Variants in PTPRG observed in about 807,000 individuals in gnomAD.
The protein encoded by PTPRG is receptor-type tyrosine-protein phosphatase gamma.
In PTPRG, 102 loss-of-function variants were observed where a neutral mutation model predicts 165.3. The ratio of observed to expected loss-of-function variants is 0.62; its 90% CI spans 0.53 to 0.73. PTPRG has a LOEUF of 0.73. Ranked by LOEUF, PTPRG falls within the 30% of genes least tolerant of loss-of-function variation. PTPRG has a pLI of 0.00. For synonymous variants in PTPRG, 675 were observed against 669.5 expected (o/e 1.01, Z -0.13); for missense variants, 1,866 against 1,861.4 (o/e 1.00, Z -0.05).
intron 4 of PTPRG, among the ~76,000 whole-genome samples, chr3:62,018,627 G>C (rs932649702): frequency 1.3e-5 from 2 of 152,168 alleles, no homozygotes; most frequent in African/African-American, 4.8e-5. Flanking sequence ...CAAAATGTAA[G>C]CACTTGAACT....
intron 1 of PTPRG, among the ~76,000 whole-genome samples, chr3:61,625,417 T>C (rs1488836087): frequency 6.6e-6 from 1 of 152,204 alleles, no homozygotes; most frequent in East Asian, 1.9e-4. Context: ...CTCTTACATT[T>C]TAAACCCATC....
intron 8 of PTPRG, among the ~76,000 whole-genome samples, chr3:62,183,735 C>T (rs1172161049): frequency 2.6e-5 from 4 of 151,924 alleles, no homozygotes; most frequent in South Asian, 4.2e-4. Context: ...TAGAGAGACC[C>T]GAAGGAGTTG....
At chr3:61,963,113 C>T (rs934283102) in intron 2 of PTPRG, among the ~76,000 whole-genome samples, 3 of 151,936 alleles carry the variant, frequency 2.0e-5, no homozygotes, top group Admixed American at 6.6e-5. Context: ...TATATATGTT[C>T]GTAATTTCTG....
At chr3:61,720,951 A>G (rs1026263348) in intron 1 of PTPRG, among the ~76,000 whole-genome samples, 14 of 152,228 alleles carry the variant, frequency 9.2e-5, no homozygotes, top group African/African-American at 3.1e-4. Flanking sequence ...GATGTCTTTA[A>G]GTCCACTCTT....
intron 2 of PTPRG, among the ~76,000 whole-genome samples, chr3:61,818,821 TTAAAGTGAAATAGTGAAATA>T (rs1559629565): frequency 2.7e-5 from 4 of 146,268 alleles, no homozygotes; most frequent in African/African-American, 1.0e-4. Flanking sequence ...TAGGGGCCCT[TTAAAGTGAAATAGTGAAATA>T]GTGAATAGTG....
At chr3:61,835,847 C>T (rs1305886263) in intron 2 of PTPRG, among the ~76,000 whole-genome samples, 2 of 151,670 alleles carry the variant, frequency 1.3e-5, no homozygotes. Flanking sequence ...TCGAGATCAG[C>T]CTGGGCAACA....
At chr3:61,701,892 AAGAG>A (rs1031293859) in intron 1 of PTPRG, among the ~76,000 whole-genome samples, 71 of 152,170 alleles carry the variant, frequency 4.7e-4, no homozygotes, top group African/African-American at 1.5e-3. Flanking sequence ...CTGTCTAAAA[AAGAG>A]AGAGAGAGGG....
At chr3:61,610,200 G>T (rs59639668) in intron 1 of PTPRG, among the ~76,000 whole-genome samples, 4,483 of 151,438 alleles carry the variant, frequency 0.03, 223 homozygotes, top group African/African-American at 0.1. Flanking sequence ...AGGGATGTGA[G>T]GATTAACAGT....
At chr3:61,771,137 T>C (rs1485916950) in intron 2 of PTPRG, 2 of 152,158 alleles carry the variant, frequency 1.3e-5, no homozygotes, top group Admixed American at 6.6e-5. Context: ...TTTTTGCCTT[T>C]TTTATGCAGA....
intron 2 of PTPRG, among the ~76,000 whole-genome samples, chr3:61,752,564 G>A (rs1423233904): frequency 1.3e-5 from 2 of 151,868 alleles, no homozygotes; most frequent in African/African-American, 2.4e-5. Context: ...AGGCCGAGGC[G>A]GGCAGATCAC....
chr3:62,137,638 G>A (rs779764180), intron 6 of PTPRG, among the ~76,000 whole-genome samples: 26 of 151,930 alleles, frequency 1.7e-4, no homozygotes, highest in Non-Finnish European at 2.4e-4. Flanking sequence ...GGATCAGACC[G>A]GCAGCAGAGA....
chr3:62,054,126 A>G (rs151255780), intron 4 of PTPRG, among the ~76,000 whole-genome samples: 315 of 152,134 alleles, frequency 2.1e-3, no homozygotes, highest in Non-Finnish European at 3.2e-3. Flanking sequence ...CTTTTTGTCT[A>G]TTTGTGACCA....
chr3:62,001,180 A>G (rs932533436), intron 3 of PTPRG, among the ~76,000 whole-genome samples: 1 of 152,252 alleles, frequency 6.6e-6, no homozygotes. Flanking sequence ...GTGTGTAAAC[A>G]AAAATATGAG....
At chr3:62,132,237 T>C (rs1195151349) in intron 5 of PTPRG, among the ~76,000 whole-genome samples, 1 of 152,194 alleles carries the variant, frequency 6.6e-6, no homozygotes, top group African/African-American at 2.4e-5. Context: ...ATGTTGAAAT[T>C]TTCCGTCAAT....
intron 1 of PTPRG, among the ~76,000 whole-genome samples, chr3:61,621,809 A>G (rs1218832617): frequency 6.6e-6 from 1 of 152,196 alleles, no homozygotes; most frequent in Non-Finnish European, 1.5e-5. Flanking sequence ...GCAAGCTGGT[A>G]AGTTCCTCTG....
intron 1 of PTPRG, among the ~76,000 whole-genome samples, chr3:61,622,052 G>A (rs1701473019): frequency 1.3e-5 from 2 of 152,156 alleles, no homozygotes; most frequent in Admixed American, 1.3e-4. Flanking sequence ...CAAAATAACA[G>A]ATGGTACAGT....
chr3:61,587,535 C>G (rs970531471), intron 1 of PTPRG, among the ~76,000 whole-genome samples: 4 of 152,160 alleles, frequency 2.6e-5, no homozygotes, highest in Non-Finnish European at 5.9e-5. Flanking sequence ...TCATCAACAT[C>G]AGAAAACCAA....
chr3:61,815,242 CAAAAA>C (rs749800087), intron 2 of PTPRG, among the ~76,000 whole-genome samples: 3 of 110,160 alleles, frequency 2.7e-5, no homozygotes, highest in Non-Finnish European at 4.1e-5. Context: ...ACTAAAAATA[CAAAAA>C]AAAAAAAAAA....
At chr3:61,793,272 C>T (rs1414095211) in intron 2 of PTPRG, among the ~76,000 whole-genome samples, 1 of 152,162 alleles carries the variant, frequency 6.6e-6, no homozygotes, top group African/African-American at 2.4e-5. Context: ...GGATATGTCA[C>T]CTGGGCTTGT....
Sources: gnomAD v4.1 joint callset for allele counts (sites outside exome capture counted in the v4.1 genomes callset) on GRCh38, gnomAD v4.1.1 for gene constraint, MANE v1.5 for transcripts, NCBI Gene and HGNC (gene_info 2026-07-23, HGNC 2026-07-21) for gene names.